ANKRD44: variants seen among roughly 807,000 people sequenced by gnomAD.
ANKRD44 encodes the protein ankyrin repeat domain 44.
Under a neutral mutation model 116.0 loss-of-function variants are expected in ANKRD44, and 35 were observed. The observed-to-expected ratio is 0.30, with a 90% CI of 0.23 to 0.40. The LOEUF is 0.40. Ranked by LOEUF, ANKRD44 falls within the 10% of genes least tolerant of loss-of-function variation. ANKRD44 has a pLI of 1.00. For synonymous variants in ANKRD44, 435 were observed against 461.8 expected (o/e 0.94, Z 0.74); for missense variants, 1,014 against 1,242.6 (o/e 0.82, Z 2.77).
intron 1 of ANKRD44, among the ~76,000 whole-genome samples, chr2:197,248,227 T>C: frequency 6.6e-6 from 1 of 151,984 alleles, no homozygotes; most frequent in East Asian, 1.9e-4. Context: ...GAACTTTGGG[T>C]GAAACAGGTT....
In ANKRD44 at chr2:196,989,566, G is replaced by A. The variant is rs75154015; in HGVS notation, c.*25C>T. On this transcript the variant is annotated 3_prime_UTR_variant, in exon 28 of 28. Coordinates refer to ENST00000282272, the MANE Select transcript of ANKRD44 (RefSeq NM_001195144.2). ...CACGCACACATATATGTGTGCATGT[G>A]TATGTGCATAATTTTTAAAGAGTCT... 1.5e-3 allele frequency: 2,338 copies of A among 1,549,050 alleles called. 30 individuals carry two copies. The East Asian group carries it at 0.027, about 18-fold the overall frequency.
chr2:197,269,284 A>T (rs1240843814), intron 1 of ANKRD44, among the ~76,000 whole-genome samples: 1 of 148,056 alleles, frequency 6.8e-6, no homozygotes, highest in Non-Finnish European at 1.5e-5. Flanking sequence ...AAGTTTGAAT[A>T]TGGAGATAGG....
intron 1 of ANKRD44, among the ~76,000 whole-genome samples, chr2:197,208,077 T>C (rs892180066): frequency 4.6e-5 from 7 of 152,200 alleles, no homozygotes; most frequent in Non-Finnish European, 7.3e-5. Flanking sequence ...TTCCTCGAAC[T>C]TTCTAAATAT....
At chr2:197,134,947 C>T (rs1248367914) in intron 4 of ANKRD44, 3 of 152,062 alleles carry the variant, frequency 2.0e-5, no homozygotes, top group African/African-American at 7.2e-5. Context: ...CCTCGTTTTC[C>T]CAGACAAAAT....
At chr2:197,015,410 A>T in intron 17 of ANKRD44, 2 of 570,472 alleles carry the variant, frequency 3.5e-6, no homozygotes, top group East Asian at 7.8e-5. Flanking sequence ...ACTTTTGATG[A>T]TCATGCTACA....
At chr2:197,250,305 G>A (rs1210950060) in intron 1 of ANKRD44, among the ~76,000 whole-genome samples, 1 of 152,126 alleles carries the variant, frequency 6.6e-6, no homozygotes, top group Admixed American at 6.5e-5. Context: ...AGAGGTAATG[G>A]GTACATATCT....
At position 197,271,499 on chromosome 2, in the gene ANKRD44, T is replaced by C. The variant is rs917607751; in HGVS notation, c.27+39079A>G. ...TTACCCAGTCTAAGCTATTGTGCTA[T>C]AGAATCCTTAACAGACTGACATTAT... On this transcript the variant is annotated intron_variant, in intron 1 of 27. Transcript: ENST00000282272. Among the ~76,000 whole-genome samples the C allele has an allele frequency of 5.9e-4, 90 of 152,372 alleles. 1 individual carries two copies. The highest frequency in any genetic ancestry group is 1.2e-3 in the Non-Finnish European group (85 of 68,032).
chr2:197,248,320 G>A lies in ANKRD44; in HGVS notation c.28-61214C>T, dbSNP rs184892548. 2.8e-4 allele frequency among the ~76,000 whole-genome samples: 43 copies of A among 152,100 alleles called. 1 individual carries two copies. The highest frequency in any genetic ancestry group is 9.9e-4 in the African/African-American group (41 of 41,492). On this transcript the variant is annotated intron_variant, in intron 1 of 27. Transcript: ENST00000282272. ...AAAGACTGGCCATCCCAAGCAAGAC[G>A]GACTTCTCCAGCAGACTGCCTTGGG...
At chr2:197,013,202 G>C (rs953062541) in intron 18 of ANKRD44, among the ~76,000 whole-genome samples, 1 of 152,096 alleles carries the variant, frequency 6.6e-6, no homozygotes, top group Non-Finnish European at 1.5e-5. Context: ...GATGTATTTT[G>C]TTCTATGTAA....
chr2:197,034,611 T>C (rs1232096372), intron 16 of ANKRD44, among the ~76,000 whole-genome samples: 1 of 151,942 alleles, frequency 6.6e-6, no homozygotes, highest in Non-Finnish European at 1.5e-5. Context: ...CTAATCTTAT[T>C]TTTTAAGCCC....
chr2:197,113,487 A>G (rs1329265497), intron 8 of ANKRD44, among the ~76,000 whole-genome samples: 1 of 152,238 alleles, frequency 6.6e-6, no homozygotes, highest in Non-Finnish European at 1.5e-5. Flanking sequence ...ATATATCTAA[A>G]GCTATAAATA....
At chr2:196,990,448 T>G in intron 27 of ANKRD44, 1 of 1,189,280 alleles carries the variant, frequency 8.4e-7, no homozygotes, top group Non-Finnish European at 1.0e-6. Flanking sequence ...GAGGTAGACT[T>G]TCACAGAAGT....
intron 1 of ANKRD44, among the ~76,000 whole-genome samples, chr2:197,251,207 G>A (rs1208759849): frequency 6.6e-6 from 1 of 151,920 alleles, no homozygotes; most frequent in East Asian, 1.9e-4. Flanking sequence ...CTTTTTATTG[G>A]TTTACACTGT....
chr2:197,086,676 A>G lies in ANKRD44; in HGVS notation c.1316+4T>C, dbSNP rs748999152. 22 of 1,613,564 alleles carry G rather than the reference A, an allele frequency of 1.4e-5. No individual in the cohort carries two copies. In the East Asian group the frequency reaches 4.9e-4, roughly 36 times the overall value. ...ACTTGAAGCACAACTCTCTGATTACATACCTCCCACACTTGTCCTTTTTAT... is the reference window on the plus strand; with the variant it reads ...ACTTGAAGCACAACTCTCTGATTACGTACCTCCCACACTTGTCCTTTTTAT... On this transcript the variant is annotated splice_donor_region_variant and intron_variant, in intron 13 of 27. Transcript: ENST00000282272.
intron 16 of ANKRD44, among the ~76,000 whole-genome samples, chr2:197,061,741 T>C (rs530909549): frequency 6.6e-6 from 1 of 150,998 alleles, no homozygotes; most frequent in Admixed American, 6.6e-5. Context: ...ATTTTTTACC[T>C]CCCAAACTAG....
At chr2:196,990,021 G>C in intron 27 of ANKRD44, 2 of 1,046,212 alleles carry the variant, frequency 1.9e-6, no homozygotes, top group African/African-American at 1.7e-5. Flanking sequence ...TCACAGGCTT[G>C]TTATAGGGAA....
At chr2:197,063,846 CAG>C (rs2077372904) in intron 16 of ANKRD44, among the ~76,000 whole-genome samples, 1 of 152,164 alleles carries the variant, frequency 6.6e-6, no homozygotes, top group South Asian at 2.1e-4. Flanking sequence ...CTGAAAGTGA[CAG>C]GGAGAATGGA....
At chr2:197,214,364 A>G (rs1285053485) in intron 1 of ANKRD44, among the ~76,000 whole-genome samples, 2 of 152,222 alleles carry the variant, frequency 1.3e-5, no homozygotes, top group Non-Finnish European at 2.9e-5. Context: ...TTTAAAAAAA[A>G]CAGTAAACAA....
intron 2 of ANKRD44, among the ~76,000 whole-genome samples, chr2:197,147,317 G>T (rs2079530076): frequency 6.6e-6 from 1 of 151,718 alleles, no homozygotes; most frequent in African/African-American, 2.4e-5. Flanking sequence ...GTCTGTGCTT[G>T]GTATTTGCCC....
Sources: gnomAD v4.1 joint callset for allele counts (sites outside exome capture counted in the v4.1 genomes callset) on GRCh38, gnomAD v4.1.1 for gene constraint, MANE v1.5 for transcripts, NCBI Gene and HGNC (gene_info 2026-07-23, HGNC 2026-07-21) for gene names.